KDM4C: variants seen among roughly 807,000 people sequenced by gnomAD.
KDM4C encodes the protein lysine demethylase 4C.
A neutral mutation model predicts 129.3 loss-of-function variants in KDM4C; 81 were observed. The observed-to-expected ratio is 0.63, with a 90% CI of 0.52 to 0.75. KDM4C has a LOEUF of 0.75. Ranked by LOEUF, KDM4C falls within the 30% of genes least tolerant of loss-of-function variation. KDM4C has a pLI of 0.00. For missense variants in KDM4C, 1,457 were observed against 1,304.0 expected (o/e 1.12, Z -1.81); for synonymous variants, 573 against 456.1 (o/e 1.26, Z -3.26).
chr9:6,773,578 C>T (rs1481483571), intron 1 of KDM4C, among the ~76,000 whole-genome samples: 2 of 152,048 alleles, frequency 1.3e-5, no homozygotes, highest in Non-Finnish European at 2.9e-5. Context: ...CGAGACCAGC[C>T]TGATCAACAT....
chr9:6,821,453 G>C (rs757268682), intron 4 of KDM4C, among the ~76,000 whole-genome samples: 12 of 152,238 alleles, frequency 7.9e-5, no homozygotes, highest in Non-Finnish European at 1.3e-4. Context: ...GTTTTGATTT[G>C]CATTTTTCTG....
At position 6,972,311 on chromosome 9, in the gene KDM4C, A is replaced by C. The variant is rs558034437; in HGVS notation, c.922-8614A>C. 3.9e-5 allele frequency among the ~76,000 whole-genome samples: 6 copies of C among 152,096 alleles called. No individual in the cohort carries two copies. In the East Asian group the frequency reaches 7.7e-4, roughly 20 times the overall value. On this transcript the variant is annotated intron_variant, in intron 8 of 21. Coordinates refer to ENST00000381309, the MANE Select transcript of KDM4C (RefSeq NM_015061.6). ...TATCTGTGTATGTGAAAATAGAAAA[A>C]GAAAACACACACACACCTATTTTCT...
intron 1 of KDM4C, among the ~76,000 whole-genome samples, chr9:6,750,674 T>C (rs953708862): frequency 2.6e-5 from 4 of 152,248 alleles, no homozygotes; most frequent in South Asian, 2.1e-4. Flanking sequence ...AGAAAAGAAA[T>C]TGTATTATCT....
chr9:7,052,890 A>AGC (rs879850049), intron 17 of KDM4C, among the ~76,000 whole-genome samples: 13,335 of 36,660 alleles, frequency 0.36, 1,236 homozygotes, highest in South Asian at 0.44. Flanking sequence ...AGAGAGAGAG[A>AGC]GAGAGAGAGA....
intron 19 of KDM4C, among the ~76,000 whole-genome samples, chr9:7,141,782 T>C (rs929642269): frequency 3.3e-5 from 5 of 152,094 alleles, no homozygotes; most frequent in Admixed American, 2.0e-4. Context: ...AAAGCATAGT[T>C]TTTGTTGTTA....
At chr9:6,732,180 C>T (rs1817363665) in intron 1 of KDM4C, among the ~76,000 whole-genome samples, 1 of 151,014 alleles carries the variant, frequency 6.6e-6, no homozygotes, top group East Asian at 2.0e-4. Context: ...TCCTGGCTAA[C>T]ACAGTGAAAC....
At chr9:6,965,182 C>T (rs970038359) in intron 8 of KDM4C, among the ~76,000 whole-genome samples, 5 of 151,506 alleles carry the variant, frequency 3.3e-5, no homozygotes, top group Admixed American at 1.3e-4. Flanking sequence ...AAAAGAGAAA[C>T]GTGGCTCTGG....
chr9:6,736,485 A>G (rs1266404681), intron 1 of KDM4C, among the ~76,000 whole-genome samples: 1 of 151,916 alleles, frequency 6.6e-6, no homozygotes, highest in Non-Finnish European at 1.5e-5. Flanking sequence ...CATCCCAGAC[A>G]CTCCAGCCAT....
intron 8 of KDM4C, among the ~76,000 whole-genome samples, chr9:6,919,735 C>G (rs1033750694): frequency 6.6e-6 from 1 of 151,952 alleles, no homozygotes; most frequent in African/African-American, 2.4e-5. Context: ...ACCACCATGC[C>G]TGGCTAATTT....
intron 15 of KDM4C, among the ~76,000 whole-genome samples, chr9:7,038,976 T>C (rs1237436753): frequency 6.6e-6 from 1 of 152,022 alleles, no homozygotes; most frequent in East Asian, 1.9e-4. Context: ...GATATATGTA[T>C]TGGGAGTATT....
intron 19 of KDM4C, among the ~76,000 whole-genome samples, chr9:7,145,225 G>A (rs1028619150): frequency 2.0e-5 from 3 of 152,174 alleles, no homozygotes; most frequent in Admixed American, 6.5e-5. Context: ...ACGTGTCTGC[G>A]TTTGATTTTT....
At chr9:7,078,980 C>T (rs1222500037) in intron 17 of KDM4C, among the ~76,000 whole-genome samples, 1 of 152,170 alleles carries the variant, frequency 6.6e-6, no homozygotes, top group Admixed American at 6.5e-5. Context: ...ATCACATAGG[C>T]ACCCTCTGCC....
chr9:6,865,790 G>A (rs543295501), intron 5 of KDM4C, among the ~76,000 whole-genome samples: 5 of 150,716 alleles, frequency 3.3e-5, no homozygotes, highest in South Asian at 2.1e-4. Context: ...TCGCTCTGTC[G>A]CCCAGGCTGG....
chr9:7,158,917 ATCTG>A (rs1843481456), intron 19 of KDM4C, among the ~76,000 whole-genome samples: 1 of 152,170 alleles, frequency 6.6e-6, no homozygotes, highest in African/African-American at 2.4e-5. Flanking sequence ...TGTCTCGTTG[ATCTG>A]TCTAATATTG....
At chr9:7,036,166 A>T (rs1402705094) in intron 15 of KDM4C, among the ~76,000 whole-genome samples, 2 of 151,550 alleles carry the variant, frequency 1.3e-5, no homozygotes, top group African/African-American at 2.4e-5. Context: ...TTCTTTCTTC[A>T]TTTTTTTATA....
intron 17 of KDM4C, among the ~76,000 whole-genome samples, chr9:7,056,357 A>C (rs925680538): frequency 1.3e-5 from 2 of 151,972 alleles, no homozygotes; most frequent in East Asian, 3.8e-4. Flanking sequence ...GTGCAAAAAA[A>C]AAAAAGTACA....
At chr9:6,807,501 C>T (rs553544716) in intron 3 of KDM4C, among the ~76,000 whole-genome samples, 5 of 147,550 alleles carry the variant, frequency 3.4e-5, no homozygotes, top group African/African-American at 5.0e-5. Flanking sequence ...GGCCGCCCAT[C>T]GTCTGAGATG....
intron 21 of KDM4C, among the ~76,000 whole-genome samples, chr9:7,172,888 C>T (rs960768115): frequency 6.6e-6 from 1 of 152,230 alleles, no homozygotes; most frequent in Non-Finnish European, 1.5e-5. Context: ...CAGAAGTCAT[C>T]CACCTCAGTG....
intron 18 of KDM4C, among the ~76,000 whole-genome samples, chr9:7,120,274 C>T (rs1357452141): frequency 3.9e-5 from 6 of 152,030 alleles, no homozygotes; most frequent in African/African-American, 1.5e-4. Context: ...ATACTTTCCT[C>T]CTTCTTCAGG....
Sources: gnomAD v4.1 joint callset for allele counts (sites outside exome capture counted in the v4.1 genomes callset) on GRCh38, gnomAD v4.1.1 for gene constraint, MANE v1.5 for transcripts, NCBI Gene and HGNC (gene_info 2026-07-23, HGNC 2026-07-21) for gene names.